Variants in TMEM242 observed in about 807,000 individuals in gnomAD.
TMEM242 encodes the protein UPF0463 transmembrane protein C6orf35.
TMEM242 carries 10 observed loss-of-function variants against 18.2 expected under a neutral mutation model. That is an observed-to-expected ratio of 0.55 (90% CI 0.34 to 0.93). The LOEUF is 0.93. Ranked by LOEUF, TMEM242 falls within the 40% of genes least tolerant of loss-of-function variation. TMEM242 has a pLI of 0.02. For missense variants in TMEM242, 186 were observed against 175.5 expected, an observed-to-expected ratio of 1.06 and a Z score of -0.34; for synonymous variants, 57 against 69.9, an observed-to-expected ratio of 0.81 and a Z score of 0.92.
chr6:157,312,419 CAT>C (rs1778184018), intron 3 of TMEM242, among the ~76,000 whole-genome samples: 4 of 10,496 alleles, frequency 3.8e-4, no homozygotes, highest in Admixed American at 8.9e-4. Flanking sequence ...CTAGCCTCAT[CAT>C]AGTGTCACAG....
At chr6:157,315,982 T>C (rs1220805108) in intron 3 of TMEM242, among the ~76,000 whole-genome samples, 5 of 152,252 alleles carry the variant, frequency 3.3e-5, no homozygotes, top group Admixed American at 2.0e-4. Flanking sequence ...TGGATTATTC[T>C]AGCCCATAAA....
chr6:157,313,877 C>G lies in TMEM242; in HGVS notation c.327+4905G>C, dbSNP rs1397340871. ...CCAGTGTGCACTCCCCTAGCCTCAT[C>G]ACAGTGCCCCAGTGTGCGCTCACCT... On this transcript the variant is annotated intron_variant, in intron 3 of 3. Transcript: ENST00000400788. Among the ~76,000 whole-genome samples the G allele has an allele frequency of 4.5e-5, 5 of 110,228 alleles. No homozygotes were observed. In the South Asian group the frequency reaches 1.4e-3, roughly 31 times the overall value. The allele number at this position is 110,228 out of a possible 152,430, so 72.3% of individuals were successfully genotyped here.
chr6:157,308,161 C>T (rs1468538663), intron 3 of TMEM242, among the ~76,000 whole-genome samples: 1 of 152,204 alleles, frequency 6.6e-6, no homozygotes, highest in African/African-American at 2.4e-5. Context: ...AGCTTTTTCA[C>T]AGTTTTACTA....
intron 3 of TMEM242, among the ~76,000 whole-genome samples, chr6:157,307,279 G>A (rs148184422): frequency 0.015 from 2,332 of 152,194 alleles, 56 homozygotes; most frequent in African/African-American, 0.054. Context: ...TGTGGGATAC[G>A]GCTGGGAATA....
intron 3 of TMEM242, among the ~76,000 whole-genome samples, chr6:157,308,509 T>C (rs1296451322): frequency 6.6e-6 from 1 of 152,214 alleles, no homozygotes; most frequent in African/African-American, 2.4e-5. Context: ...TCTCTTGTAA[T>C]AGGAAAGCAC....
chr6:157,310,015 G>A (rs1280445832), intron 3 of TMEM242, among the ~76,000 whole-genome samples: 1 of 152,116 alleles, frequency 6.6e-6, no homozygotes, highest in Non-Finnish European at 1.5e-5. Context: ...CACAGACATA[G>A]CGCATACCCC....
chr6:157,301,793 G>A (rs978176467), intron 3 of TMEM242, among the ~76,000 whole-genome samples: 9 of 152,088 alleles, frequency 5.9e-5, no homozygotes, highest in African/African-American at 2.2e-4. Context: ...TTAGCCGGGT[G>A]TGGTGGTGTG....
chr6:157,299,848 A>T (rs1777802499), intron 3 of TMEM242: 1 of 1,612,588 alleles, frequency 6.2e-7, no homozygotes, highest in African/African-American at 1.3e-5. Flanking sequence ...GTTTGCCTTC[A>T]TCAAGATCCA....
chr6:157,300,558 G>T (rs1298866838), intron 3 of TMEM242, among the ~76,000 whole-genome samples: 1 of 152,168 alleles, frequency 6.6e-6, no homozygotes, highest in Non-Finnish European at 1.5e-5. Context: ...TTTGCATACG[G>T]GTGGTTGCCT....
chr6:157,319,157 T>A (rs1432936442), intron 2 of TMEM242, among the ~76,000 whole-genome samples: 1 of 152,236 alleles, frequency 6.6e-6, no homozygotes, highest in Non-Finnish European at 1.5e-5. Context: ...GACCATTTTG[T>A]CAAGATTTCT....
chr6:157,315,196 G>A (rs587723602), intron 3 of TMEM242, among the ~76,000 whole-genome samples: 1 of 152,264 alleles, frequency 6.6e-6, no homozygotes, highest in East Asian at 1.9e-4. Flanking sequence ...CTCTCTAAAC[G>A]TTGAGCTGAA....
At chr6:157,300,210 C>A (rs1318128509) in intron 3 of TMEM242, 5 of 448,336 alleles carry the variant, frequency 1.1e-5, no homozygotes, top group Non-Finnish European at 2.1e-5. Flanking sequence ...CCATTAGCAG[C>A]ACCTTCAGCC....
At chr6:157,307,369 C>T (rs1390657888) in intron 3 of TMEM242, among the ~76,000 whole-genome samples, 1 of 152,160 alleles carries the variant, frequency 6.6e-6, no homozygotes, top group South Asian at 2.1e-4. Flanking sequence ...TGTCCCAGTC[C>T]TTGTCGCACG....
At chr6:157,322,561 G>A in intron 2 of TMEM242, 144 bp downstream of exon 2, 1 of 589,604 alleles carries the variant, frequency 1.7e-6, no homozygotes, top group Non-Finnish European at 2.8e-6. Context: ...TGGTTAATTT[G>A]TACATTTCTA....
At chr6:157,311,210 C>G (rs797041433) in intron 3 of TMEM242, among the ~76,000 whole-genome samples, 125 of 35,610 alleles carry the variant, frequency 3.5e-3, no homozygotes, top group East Asian at 9.9e-3. Context: ...TACTGTCCGA[C>G]TGTGCGCTCA....
intron 3 of TMEM242, among the ~76,000 whole-genome samples, chr6:157,312,809 C>T (rs1554249434): frequency 4.3e-5 from 6 of 139,722 alleles, no homozygotes; most frequent in Non-Finnish European, 6.2e-5. Context: ...CCAGTGTGAA[C>T]TCAACTAGCC....
intron 3 of TMEM242, among the ~76,000 whole-genome samples, chr6:157,301,014 AT>A (rs1462215204): frequency 1.3e-5 from 2 of 152,180 alleles, no homozygotes; most frequent in Non-Finnish European, 2.9e-5. Flanking sequence ...TAAGAACTAA[AT>A]TCCCTTACAG....
Position 157,323,475 on chromosome 6 carries a change from C to T in TMEM242, c.25G>A (p.Gly9Arg). The change falls in exon 1 of 4, where the codon GGG becomes AGG. Residue 9 changes from glycine (G) to arginine (R), a missense_variant. Gly to Arg is a moderately radical substitution (Grantham distance 125, BLOSUM62 -2). Coordinates refer to ENST00000400788, the MANE Select transcript of TMEM242 (RefSeq NM_018452.6). ...GCCTCCAGCCCAGAGGCCGGCTGCC[C>T]AGTTGCAGCGCCCGCTGTCTCCATG... METAGAAT[G>R]QPASGLEAPG... The T allele has an allele frequency of 1.2e-6, 2 of 1,613,978 alleles. No individual in the cohort carries two copies. The highest frequency in any genetic ancestry group is 1.7e-6 in the Non-Finnish European group (2 of 1,179,938).
chr6:157,298,268 A>AT (rs1777777152), intron 3 of TMEM242, among the ~76,000 whole-genome samples: 1 of 152,192 alleles, frequency 6.6e-6, no homozygotes, highest in African/African-American at 2.4e-5. Context: ...TTCTAAAATG[A>AT]TTTTTACTCA....
Sources: gnomAD v4.1 joint callset for allele counts (sites outside exome capture counted in the v4.1 genomes callset) on GRCh38, gnomAD v4.1.1 for gene constraint, MANE v1.5 for transcripts, NCBI Gene and HGNC (gene_info 2026-07-23, HGNC 2026-07-21) for gene names.